FSTL5: variants seen among roughly 807,000 people sequenced by gnomAD.
The protein encoded by FSTL5 is follistatin like 5, also known as follistatin-related protein 5.
Under a neutral mutation model 89.1 loss-of-function variants are expected in FSTL5, and 62 were observed. That is an observed-to-expected ratio of 0.70 (90% CI 0.57 to 0.86). The LOEUF is 0.86. Ranked by LOEUF, FSTL5 falls within the 40% of genes least tolerant of loss-of-function variation. FSTL5 has a pLI of 0.00. For missense variants in FSTL5, 1,057 were observed against 1,001.6 expected (o/e 1.06, Z -0.75); for synonymous variants, 383 against 346.2 (o/e 1.11, Z -1.18).
chr4:161,472,730 C>CT (rs70937653), intron 13 of FSTL5, among the ~76,000 whole-genome samples: 15 of 140,030 alleles, frequency 1.1e-4, no homozygotes, highest in African/African-American at 2.1e-4. Context: ...TTATATGTAA[C>CT]TTTTTTTTTT....
chr4:161,626,708 T>C lies in FSTL5; in HGVS notation c.894+29620A>G, dbSNP rs535449603. Among the ~76,000 whole-genome samples, 4 of 152,302 alleles carry C rather than the reference T, an allele frequency of 2.6e-5. No homozygotes were observed. The East Asian group carries it at 7.7e-4, about 29-fold the overall frequency. On this transcript the variant is annotated intron_variant, in intron 7 of 15. Coordinates refer to ENST00000306100, the MANE Select transcript of FSTL5 (RefSeq NM_020116.5). ...CTGCCACAGGAACATCTGGGCATGA[T>C]AAATTGAAAATCTCTTGGAAAGGAT... is the stretch of plus-strand genomic sequence containing the variant.
chr4:162,138,685 C>T (rs571927075), intron 1 of FSTL5, among the ~76,000 whole-genome samples: 1 of 151,930 alleles, frequency 6.6e-6, no homozygotes, highest in Non-Finnish European at 1.5e-5. Context: ...AAAGTTTAGA[C>T]AAACCCTGTT....
At chr4:161,605,093 G>T (rs1282869369) in intron 7 of FSTL5, among the ~76,000 whole-genome samples, 2 of 152,102 alleles carry the variant, frequency 1.3e-5, no homozygotes. Flanking sequence ...CACATGTTTT[G>T]CTCTGTACTC....
intron 2 of FSTL5, among the ~76,000 whole-genome samples, chr4:162,066,367 T>TCTTCTTCTTCTTCTTCTTCTTCTC (rs1561000598): frequency 2.9e-5 from 4 of 136,468 alleles, no homozygotes; most frequent in African/African-American, 1.1e-4. Context: ...TTCTTCTTCT[T>TCTTCTTCTTCTTCTTCTTCTTCTC]CTTCTCCTTC....
At chr4:161,538,038 T>G (rs1441123099) in intron 10 of FSTL5, 128 bp downstream of exon 10, 1 of 803,628 alleles carries the variant, frequency 1.2e-6, no homozygotes, top group Non-Finnish European at 1.9e-6. Context: ...CCTTCCTACG[T>G]ATAAAATCTA....
Position 161,459,304 on chromosome 4 carries a change from G to A in FSTL5, c.1624C>T (p.Pro542Ser). Reference sequence around the variant, plus strand: ...TCATAGTGTAATTTAACTGGGACAGGGTCTGTGCTCACTGCCTACAATAAA... The same window carrying A: ...TCATAGTGTAATTTAACTGGGACAGAGTCTGTGCTCACTGCCTACAATAAA... The part of the protein sequence containing the change: ...QKVVQAVSTD[P>S]VPVKLHYDKS... Residue 542 changes from proline to serine, a missense_variant, in exon 14 of 16, where the codon CCT becomes TCT. Physicochemically the swap from Pro to Ser is moderately conservative, Grantham distance 74 (BLOSUM62 -1). This residue lies in a region of FSTL5 where 980 missense variants were observed against 903.2 expected (regional missense o/e 1.08). Coordinates refer to ENST00000306100, the MANE Select transcript of FSTL5 (RefSeq NM_020116.5). 6.2e-7 allele frequency: 1 copy of A among 1,611,230 alleles called. No homozygotes were observed. The highest frequency in any genetic ancestry group is 8.5e-7 in the Non-Finnish European group (1 of 1,177,754).
At chr4:161,647,645 G>C (rs1736197086) in intron 7 of FSTL5, among the ~76,000 whole-genome samples, 1 of 151,926 alleles carries the variant, frequency 6.6e-6, no homozygotes, top group Non-Finnish European at 1.5e-5. Flanking sequence ...ATATTGTATT[G>C]TGCACTTCAA....
At chr4:161,728,335 CG>C (rs1468968499) in intron 6 of FSTL5, among the ~76,000 whole-genome samples, 1 of 151,880 alleles carries the variant, frequency 6.6e-6, no homozygotes, top group Non-Finnish European at 1.5e-5. Flanking sequence ...TAGATGGAAA[CG>C]GGGGCATTTG....
intron 15 of FSTL5, among the ~76,000 whole-genome samples, chr4:161,414,222 A>T (rs1731695625): frequency 6.6e-6 from 1 of 152,218 alleles, no homozygotes; most frequent in African/African-American, 2.4e-5. Flanking sequence ...TCAATGTTTA[A>T]TTCTAACTCA....
chr4:161,633,110 T>C (rs572954682), intron 7 of FSTL5, among the ~76,000 whole-genome samples: 2 of 152,024 alleles, frequency 1.3e-5, no homozygotes, highest in East Asian at 3.9e-4. Flanking sequence ...AATAGGTATT[T>C]CATAGGTGCA....
intron 6 of FSTL5, among the ~76,000 whole-genome samples, chr4:161,716,173 T>G (rs140836587): frequency 1.7e-4 from 26 of 152,158 alleles, no homozygotes; most frequent in Non-Finnish European, 3.4e-4. Context: ...GATTTCATAC[T>G]TGTTCTTCTC....
intron 7 of FSTL5, among the ~76,000 whole-genome samples, chr4:161,593,391 A>T (rs915993187): frequency 1.3e-5 from 2 of 152,134 alleles, no homozygotes; most frequent in Non-Finnish European, 2.9e-5. Flanking sequence ...AGCTTCCCTC[A>T]AACTGATACC....
chr4:161,788,579 TA>T (rs1318894747), intron 4 of FSTL5, among the ~76,000 whole-genome samples: 5 of 152,178 alleles, frequency 3.3e-5, no homozygotes, highest in African/African-American at 4.8e-5. Flanking sequence ...AATTATTTAG[TA>T]AAAACACTTT....
At chr4:161,476,466 C>T (rs561956857) in intron 13 of FSTL5, among the ~76,000 whole-genome samples, 19 of 152,124 alleles carry the variant, frequency 1.2e-4, no homozygotes, top group East Asian at 5.8e-4. Context: ...GGATTACAGG[C>T]GTGAGCCATA....
At position 161,528,718 on chromosome 4, in the gene FSTL5, G is replaced by A. The variant is rs747962124; in HGVS notation, c.1312+9448C>T. 5.6e-5 allele frequency among the ~76,000 whole-genome samples: 8 copies of A among 143,324 alleles called. 2 individuals are homozygous for A. Among genetic ancestry groups the A allele is most frequent in the Non-Finnish European group, 1.1e-4 (7 of 65,310 alleles). The allele number at this position is 143,324 out of a possible 152,430, so 94.0% of individuals were successfully genotyped here. A position where few individuals can be genotyped will look rare whatever the true frequency, so the allele number is the denominator to read the frequency against. On this transcript the variant is annotated intron_variant, in intron 10 of 15. Coordinates refer to ENST00000306100, the MANE Select transcript of FSTL5 (RefSeq NM_020116.5). ...CAGAGAACACTAAGAGAATCATAAAGTGATGATAATTCTACTTTTGTTAAA... is the reference window on the plus strand; with the variant it reads ...CAGAGAACACTAAGAGAATCATAAAATGATGATAATTCTACTTTTGTTAAA...
intron 4 of FSTL5, among the ~76,000 whole-genome samples, chr4:161,918,812 T>A (rs955665249): frequency 2.0e-5 from 3 of 151,930 alleles, no homozygotes; most frequent in South Asian, 2.1e-4. Flanking sequence ...CCCAGCTAAT[T>A]TTTGTATTTT....
At chr4:161,870,660 T>C (rs1260890862) in intron 4 of FSTL5, among the ~76,000 whole-genome samples, 1 of 152,202 alleles carries the variant, frequency 6.6e-6, no homozygotes, top group East Asian at 1.9e-4. Flanking sequence ...ACTTACCTTT[T>C]CAGAGCTACA....
chr4:161,440,966 T>A (rs1001571419), intron 15 of FSTL5, among the ~76,000 whole-genome samples: 10 of 152,166 alleles, frequency 6.6e-5, no homozygotes, highest in African/African-American at 2.4e-4. Context: ...TTTACCTACC[T>A]GATACTTATA....
chr4:161,645,841 A>G (rs894241326), intron 7 of FSTL5, among the ~76,000 whole-genome samples: 1 of 152,098 alleles, frequency 6.6e-6, no homozygotes, highest in Non-Finnish European at 1.5e-5. Context: ...GGCCTATATT[A>G]AAAATGAATC....
Sources: allele counts gnomAD v4.1 joint callset (sites outside exome capture counted in the v4.1 genomes callset), GRCh38; gene constraint gnomAD v4.1.1; regional missense constraint gnomAD v4.1.1; transcripts MANE v1.5; gene names NCBI Gene and HGNC (gene_info 2026-07-23, HGNC 2026-07-21).